CDS1: variants seen among roughly 807,000 people sequenced by gnomAD.
CDS1 encodes phosphatidate cytidylyltransferase 1.
Under a neutral mutation model 62.1 loss-of-function variants are expected in CDS1, and 41 were observed. That is an observed-to-expected ratio of 0.66 (90% confidence interval 0.51 to 0.86). The LOEUF (loss-of-function observed/expected upper bound fraction) is 0.86, where lower values mean the gene tolerates loss of function less well. Among genes scored for constraint, CDS1 ranks in the 40% least tolerant of loss-of-function variants. The probability of loss-of-function intolerance (pLI) is 0.00; values close to 1 mark genes in which losing one functional copy is unlikely to be tolerated. For missense variants in CDS1, 470 were observed against 550.1 expected (o/e 0.85, Z 1.46); for synonymous variants, 185 against 192.6 (o/e 0.96, Z 0.32).
chr4:84,638,542 G>A (rs1724283745), intron 8 of CDS1, among the ~76,000 whole-genome samples: 1 of 152,062 alleles, frequency 6.6e-6, no homozygotes, highest in African/African-American at 2.4e-5. Flanking sequence ...GAATGAATAC[G>A]TCTCATTCTT....
intron 11 of CDS1, among the ~76,000 whole-genome samples, chr4:84,644,308 G>A (rs914220175): frequency 6.6e-6 from 1 of 152,184 alleles, no homozygotes; most frequent in Non-Finnish European, 1.5e-5. Flanking sequence ...AGTATCTTGC[G>A]AAGGCTGTAA....
chr4:84,607,824 A>G lies in CDS1; in HGVS notation c.246-1605A>G, dbSNP rs140736477. On this transcript the variant is annotated intron_variant, in intron 2 of 12. Coordinates refer to ENST00000295887, the MANE Select transcript of CDS1 (RefSeq NM_001263.4). Reference sequence around the variant, plus strand: ...AAGTTGAATCAAAATCTCTTGTAACATAATTTAAATGCTACCAGTTGAATT... The same window carrying G: ...AAGTTGAATCAAAATCTCTTGTAACGTAATTTAAATGCTACCAGTTGAATT... Among the ~76,000 whole-genome samples the G allele has an allele frequency of 1.2e-4, 19 of 152,370 alleles. No homozygotes were observed. The East Asian group carries it at 3.7e-3, about 29-fold the overall frequency.
chr4:84,605,902 A>G (rs1359139899), intron 2 of CDS1, among the ~76,000 whole-genome samples: 1 of 152,178 alleles, frequency 6.6e-6, no homozygotes, highest in Admixed American at 6.5e-5. Context: ...GATATTATAT[A>G]TCAAGGGTCA....
intron 12 of CDS1, among the ~76,000 whole-genome samples, chr4:84,646,288 TTTG>T (rs1724555995): frequency 6.6e-6 from 1 of 152,226 alleles, no homozygotes; most frequent in Non-Finnish European, 1.5e-5. Flanking sequence ...AACTCCAGGC[TTTG>T]TTAATTTTCT....
At chr4:84,603,350 C>T (rs1481032365) in intron 1 of CDS1, among the ~76,000 whole-genome samples, 1 of 152,198 alleles carries the variant, frequency 6.6e-6, no homozygotes, top group Non-Finnish European at 1.5e-5. Context: ...CCAGTTTCCT[C>T]CTCTGTAAGC....
chr4:84,643,659 C>T (rs899582769), intron 11 of CDS1, among the ~76,000 whole-genome samples: 2 of 152,126 alleles, frequency 1.3e-5, no homozygotes, highest in Non-Finnish European at 2.9e-5. Context: ...TGAGAAAGCC[C>T]CCCGTGGACA....
chr4:84,634,765 G>GT (rs1283916554), intron 7 of CDS1, among the ~76,000 whole-genome samples: 1 of 152,130 alleles, frequency 6.6e-6, no homozygotes, highest in African/African-American at 2.4e-5. Flanking sequence ...AGTTACTGAA[G>GT]TAAGTAGGTT....
At chr4:84,586,757 A>G (rs1722436054) in intron 1 of CDS1, among the ~76,000 whole-genome samples, 1 of 152,198 alleles carries the variant, frequency 6.6e-6, no homozygotes, top group Non-Finnish European at 1.5e-5. Flanking sequence ...GTTTAGCAAA[A>G]GATCTAAGTA....
intron 1 of CDS1, among the ~76,000 whole-genome samples, chr4:84,585,880 A>C: frequency 6.6e-6 from 1 of 152,132 alleles, no homozygotes; most frequent in East Asian, 1.9e-4. Context: ...GACATATATG[A>C]GTTAGATTTA....
At position 84,640,982 on chromosome 4, in the gene CDS1, T is replaced by C; in HGVS notation, c.1024T>C (p.Leu342=). Reference sequence around the variant, plus strand: ...ACTTCCACCCTTTCTAAAGGCAGTCTTGAGACAGGTACAGTAAAAGTTCAA... The same window carrying C: ...ACTTCCACCCTTTCTAAAGGCAGTCCTGAGACAGGTACAGTAAAAGTTCAA... ...YSLPPFLKAV[L]RQERVSLYPF... Residue 342 remains leucine, a synonymous_variant, in exon 10 of 13, where the codon TTG becomes CTG. Coordinates refer to ENST00000295887, the MANE Select transcript of CDS1 (RefSeq NM_001263.4). 1.3e-6 allele frequency: 2 copies of C among 1,586,580 alleles called. No individual in the cohort carries two copies. The highest frequency in any genetic ancestry group is 1.7e-6 in the Non-Finnish European group (2 of 1,167,804).
rs1459891570 is a variant in CDS1, at chr4:84,650,982, A to C, written c.*2296A>C. 6.6e-6 allele frequency: 1 copy of C among 152,160 alleles called. No individual in the cohort carries two copies. Among genetic ancestry groups the C allele is most frequent in the Admixed American group, 6.5e-5 (1 of 15,286 alleles). The allele number at this position is 152,160 out of a possible 1,614,324, so 9.4% of individuals were successfully genotyped here. On this transcript the variant is annotated 3_prime_UTR_variant, in exon 13 of 13. Transcript: ENST00000295887. The stretch of plus-strand genomic sequence containing the variant: ...AAAACTAGGAAGTTCTTTCACAGTA[A>C]TGCCTAGTTGTTCCAAATTTGCTAT...
chr4:84,599,405 CATATATATAT>C (rs59313355), intron 1 of CDS1, among the ~76,000 whole-genome samples: 58 of 24,686 alleles, frequency 2.3e-3, no homozygotes, highest in East Asian at 3.9e-3. Flanking sequence ...CACACACACA[CATATATATAT>C]ATATATATAT....
chr4:84,629,308 A>T (rs959649776), intron 5 of CDS1, among the ~76,000 whole-genome samples: 2 of 149,568 alleles, frequency 1.3e-5, no homozygotes, highest in Non-Finnish European at 3.0e-5. Flanking sequence ...TCCTATATCC[A>T]TGGGTTTTGC....
At chr4:84,584,672 A>G (rs990188426) in intron 1 of CDS1, among the ~76,000 whole-genome samples, 2 of 152,258 alleles carry the variant, frequency 1.3e-5, no homozygotes, top group African/African-American at 2.4e-5. Flanking sequence ...AACATATCAC[A>G]TGATATCACG....
At chr4:84,621,595 T>A (rs1578039256) in intron 5 of CDS1, among the ~76,000 whole-genome samples, 1 of 152,322 alleles carries the variant, frequency 6.6e-6, no homozygotes, top group East Asian at 1.9e-4. Flanking sequence ...ATTTTAAATT[T>A]CATTTTATTT....
intron 5 of CDS1, among the ~76,000 whole-genome samples, chr4:84,620,225 T>G (rs1386059581): frequency 7.1e-6 from 1 of 140,740 alleles, no homozygotes; most frequent in Non-Finnish European, 1.5e-5. Context: ...AGTTGTTTTT[T>G]TTTTTTTTTT....
At chr4:84,640,260 C>T (rs754842612) in intron 9 of CDS1, among the ~76,000 whole-genome samples, 8 of 150,834 alleles carry the variant, frequency 5.3e-5, no homozygotes, top group East Asian at 1.9e-4. Flanking sequence ...TACTCATTCT[C>T]GAGCAGAATA....
intron 5 of CDS1, among the ~76,000 whole-genome samples, chr4:84,626,778 A>G (rs1217175030): frequency 6.6e-6 from 1 of 152,212 alleles, no homozygotes; most frequent in Non-Finnish European, 1.5e-5. Flanking sequence ...CCCAGAGCGC[A>G]GTGCAGGCCT....
intron 1 of CDS1, among the ~76,000 whole-genome samples, chr4:84,587,790 A>G (rs554005138): frequency 4.3e-4 from 66 of 152,324 alleles, no homozygotes; most frequent in African/African-American, 1.5e-3. Context: ...CAAGAGGCTC[A>G]GAAGCTTATA....
Sources: gnomAD v4.1 joint callset for allele counts (sites outside exome capture counted in the v4.1 genomes callset) on GRCh38, gnomAD v4.1.1 for gene constraint, MANE v1.5 for transcripts, NCBI Gene and HGNC (gene_info 2026-07-23, HGNC 2026-07-21) for gene names.